The following RABEP2 variants were observed in gnomAD, a reference collection of about 807,000 sequenced individuals.
The protein encoded by RABEP2 is rabaptin, RAB GTPase binding effector protein 2.
In RABEP2, 57 loss-of-function variants were observed where a neutral mutation model predicts 74.1. That is an observed-to-expected ratio of 0.77 (90% CI 0.62 to 0.96). The LOEUF is 0.96. RABEP2 is among the 40% of genes least tolerant of loss of function. RABEP2 has a pLI of 0.00. For missense variants in RABEP2, 692 were observed against 756.3 expected, an observed-to-expected ratio of 0.91 and a Z score of 1.00; for synonymous variants, 351 against 344.0, an observed-to-expected ratio of 1.02 and a Z score of -0.23.
At chr16:28,916,673 CA>C (rs74392921) in intron 3 of RABEP2, among the ~76,000 whole-genome samples, 1,078 of 48,704 alleles carry the variant, frequency 0.022, 6 homozygotes, top group African/African-American at 0.073. Context: ...CTCTTGTCTC[CA>C]AAAAAAAAAA....
intron 11 of RABEP2, 78 bp from the exon 12 acceptor site, chr16:28,905,591 C>A (rs777129522): frequency 5.8e-6 from 9 of 1,558,396 alleles, no homozygotes; most frequent in Non-Finnish European, 8.8e-7. Flanking sequence ...CAGCCGTTGC[C>A]CCAGGGCTTC....
In RABEP2 at chr16:28,905,691, C is replaced by T. The variant is rs978502086; in HGVS notation, c.1491+13G>A. 1.2e-6 allele frequency: 2 copies of T among 1,613,400 alleles called. No homozygotes were observed. Among genetic ancestry groups the T allele is most frequent in the South Asian group, 1.1e-5 (1 of 91,000 alleles). ...GGTCCCTCTCCTCCCAGTCCCCCTG[C>T]CCTCCCCCTCACCTTGCTCTGTTCC... is the stretch of plus-strand genomic sequence containing the variant. On this transcript the variant is annotated intron_variant, in intron 11 of 12. Coordinates refer to ENST00000358201, the MANE Select transcript of RABEP2 (RefSeq NM_024816.3).
intron 7 of RABEP2, among the ~76,000 whole-genome samples, chr16:28,909,633 G>C (rs898476847): frequency 1.3e-5 from 2 of 151,972 alleles, no homozygotes; most frequent in Non-Finnish European, 2.9e-5. Flanking sequence ...AGGATTGCTT[G>C]AGCCCAGAAA....
intron 8 of RABEP2, among the ~76,000 whole-genome samples, chr16:28,906,594 G>A (rs185390360): frequency 1.3e-5 from 2 of 152,200 alleles, no homozygotes; most frequent in African/African-American, 2.4e-5. Flanking sequence ...GTGAAACTCC[G>A]TTTCTACTAA....
At position 28,905,269 on chromosome 16, in the gene RABEP2, A is replaced by G. The variant is rs554017396; in HGVS notation, c.1608+128T>C. ...TTCAGGGTTTTTTGAGTAACAGCTC[A>G]GGACAGGACCATGCCAGCCCCAGGA... On this transcript the variant is annotated intron_variant, in intron 12 of 12. Transcript: ENST00000358201. 94 of 741,224 alleles carry G rather than the reference A, an allele frequency of 1.3e-4. No individual in the cohort carries two copies. The East Asian group carries it at 2.4e-3, about 19-fold the overall frequency. The allele number at this position is 741,224 out of a possible 1,614,324, so 45.9% of individuals were successfully genotyped here.
At chr16:28,915,765 G>A (rs560951377) in intron 3 of RABEP2, among the ~76,000 whole-genome samples, 2 of 151,334 alleles carry the variant, frequency 1.3e-5, no homozygotes, top group East Asian at 3.9e-4. Context: ...GGCTTGTCTC[G>A]AACTCCTGAA....
At position 28,905,477 on chromosome 16, in the gene RABEP2, T is replaced by G. The variant is rs527532587; in HGVS notation, c.1528A>C (p.Lys510Gln). 1 of 1,610,518 alleles carries G rather than the reference T, an allele frequency of 6.2e-7. No homozygotes were observed. The highest frequency in any genetic ancestry group is 1.3e-5 in the African/African-American group (1 of 74,996). The change falls in exon 12 of 13, where the codon AAG (lysine) becomes CAG (glutamine). Residue 510 changes from lysine to glutamine, a missense_variant. Lys to Gln is a moderately conservative substitution (Grantham distance 53). Coordinates refer to ENST00000358201, the MANE Select transcript of RABEP2 (RefSeq NM_024816.3). Reference protein sequence around the residue: ...LPDLLSEQRAKVLRLQAELET... With the variant: ...LPDLLSEQRAQVLRLQAELET... ...AGCTCTGCCTGCAGCCGCAGCACCT[T>G]GGCCCTCTGTTCTGAGAGGAGGTCT...
chr16:28,905,557 G>C (rs778462689), intron 11 of RABEP2, 44 bp from the exon 12 acceptor site: 1 of 1,586,612 alleles, frequency 6.3e-7, no homozygotes, highest in Non-Finnish European at 8.6e-7. Flanking sequence ...GGCTCAGCCT[G>C]GACCAGATGG....
intron 2 of RABEP2, chr16:28,921,297 A>C (rs942885618): frequency 2.6e-5 from 12 of 454,958 alleles, no homozygotes; most frequent in Non-Finnish European, 5.3e-5. Context: ...GGCAATAGTT[A>C]GGATGCAGTA....
Position 28,906,863 on chromosome 16 carries a change from G to A in RABEP2, c.1246-667C>T, listed in dbSNP as rs146519701. On this transcript the variant is annotated intron_variant, in intron 8 of 12. Coordinates refer to ENST00000358201, the MANE Select transcript of RABEP2 (RefSeq NM_024816.3). Reference sequence around the variant, plus strand: ...AATCCCAGCTACTCAGGAGGCTGAGGCAGGAGAATTGCTTGACCCAAGGAG... The same window carrying A: ...AATCCCAGCTACTCAGGAGGCTGAGACAGGAGAATTGCTTGACCCAAGGAG... Among the ~76,000 whole-genome samples, 1,304 of 152,286 alleles carry A rather than the reference G, an allele frequency of 8.6e-3. 11 individuals carry two copies. Among genetic ancestry groups the A allele is most frequent in the Non-Finnish European group, 0.012 (813 of 68,016 alleles).
chr16:28,914,616 G>C, intron 4 of RABEP2, 30 bp from the exon 5 acceptor site: 1 of 1,610,590 alleles, frequency 6.2e-7, no homozygotes, highest in South Asian at 1.1e-5. Context: ...AGAGGCTGGG[G>C]GGCCAGGGTC....
intron 3 of RABEP2, among the ~76,000 whole-genome samples, chr16:28,916,526 C>A (rs1180325806): frequency 2.6e-5 from 4 of 151,534 alleles, no homozygotes; most frequent in Middle Eastern, 3.2e-3. Flanking sequence ...ACAAAATTAG[C>A]CGGGCGTGGC....
intron 5 of RABEP2, among the ~76,000 whole-genome samples, chr16:28,913,837 G>C (rs762279963): frequency 6.7e-5 from 10 of 148,972 alleles, no homozygotes; most frequent in Non-Finnish European, 1.3e-4. Context: ...GCTGGAGTGG[G>C]TGGCACGATC....
intron 2 of RABEP2, among the ~76,000 whole-genome samples, chr16:28,923,389 C>G (rs895320639): frequency 6.6e-6 from 1 of 151,678 alleles, no homozygotes; most frequent in African/African-American, 2.4e-5. Flanking sequence ...GTGACGCACT[C>G]CAGCTTGGGC....
At chr16:28,905,153 C>T (rs1964205281) in intron 12 of RABEP2, 109 bp from the exon 13 acceptor site, 12 of 891,082 alleles carry the variant, frequency 1.3e-5, no homozygotes, top group African/African-American at 5.0e-5. Context: ...CCAGGGGCCA[C>T]CTCTAGGGGG....
chr16:28,917,246 C>A lies in RABEP2; in HGVS notation c.433-2464G>T, dbSNP rs566330743. ...ACCCAAAACAAACCACTCAGGGACG[C>A]TGTTCTTCCTGCCACAAACACTCAG... On this transcript the variant is annotated intron_variant, in intron 3 of 12. Transcript: ENST00000358201. Among the ~76,000 whole-genome samples, 3 of 152,294 alleles carry A rather than the reference C, an allele frequency of 2.0e-5. No individual in the cohort carries two copies. In the South Asian group the frequency reaches 6.2e-4, roughly 32 times the overall value.
chr16:28,911,056 T>C (rs1229376955), intron 6 of RABEP2, 28 bp downstream of exon 6: 1 of 1,609,376 alleles, frequency 6.2e-7, no homozygotes, highest in Non-Finnish European at 8.5e-7. Flanking sequence ...AGAGGCCGGC[T>C]GGGGCTGCAG....
chr16:28,908,002 G>A (rs1466679059), intron 8 of RABEP2, among the ~76,000 whole-genome samples: 1 of 152,086 alleles, frequency 6.6e-6, no homozygotes, highest in African/African-American at 2.4e-5. Flanking sequence ...GTTTTGCCAT[G>A]TTGGGCAGGC....
At position 28,905,391 on chromosome 16, in the gene RABEP2, C is replaced by T. The variant is rs376010203; in HGVS notation, c.1608+6G>A. ...GCCAGCCTGGCGGGGCTGGGACAGG[C>T]CATACCTGCAGGGCCTGGGACAGTC... On this transcript the variant is annotated splice_donor_region_variant and intron_variant, in intron 12 of 12. Transcript: ENST00000358201. The T allele has an allele frequency of 3.1e-6, 5 of 1,600,004 alleles. No homozygotes were observed. The African/African-American group carries it at 5.3e-5, about 17-fold the overall frequency.
Sources: allele counts gnomAD v4.1 joint callset (sites outside exome capture counted in the v4.1 genomes callset), GRCh38; gene constraint gnomAD v4.1.1; transcripts MANE v1.5; gene names NCBI Gene and HGNC (gene_info 2026-07-23, HGNC 2026-07-21).